Variants in NRG1 observed in about 807,000 individuals in gnomAD.
The protein encoded by NRG1 is pro-neuregulin-1, membrane-bound isoform.
Under a neutral mutation model 63.8 loss-of-function variants are expected in NRG1, and 18 were observed. The ratio of observed to expected loss-of-function variants is 0.28; its 90% confidence interval spans 0.19 to 0.42. The LOEUF is 0.42. Among genes scored for constraint, NRG1 ranks in the 10% least tolerant of loss-of-function variants. The probability of loss-of-function intolerance (pLI) is 1.00; values close to 1 mark genes in which losing one functional copy is unlikely to be tolerated. For synonymous variants in NRG1, 302 were observed against 301.3 expected (o/e 1.00, Z -0.02); for missense variants, 762 against 814.7 (o/e 0.94, Z 0.79).
intron 1 of NRG1, among the ~76,000 whole-genome samples, chr8:31,862,609 T>C (rs996934084): frequency 6.6e-6 from 1 of 152,236 alleles, no homozygotes; most frequent in Non-Finnish European, 1.5e-5. Context: ...TTCCATTTTA[T>C]TTGGTTTTGG....
chr8:32,707,753 T>G (rs1029380142), intron 5 of NRG1, among the ~76,000 whole-genome samples: 1 of 151,860 alleles, frequency 6.6e-6, no homozygotes, highest in Non-Finnish European at 1.5e-5. Context: ...GGAATGTACT[T>G]AAAAAAATTA....
chr8:31,687,542 T>C (rs1019120213), intron 1 of NRG1, among the ~76,000 whole-genome samples: 3 of 152,232 alleles, frequency 2.0e-5, no homozygotes, highest in Non-Finnish European at 4.4e-5. Context: ...TTATTTCTGA[T>C]AGGGAGAACC....
intron 1 of NRG1, among the ~76,000 whole-genome samples, chr8:32,095,072 C>A (rs902284829): frequency 1.3e-5 from 2 of 152,010 alleles, no homozygotes; most frequent in African/African-American, 4.8e-5. Context: ...CCATCATGCC[C>A]AGCTAATTTT....
At chr8:32,090,402 C>T (rs954871022) in intron 1 of NRG1, among the ~76,000 whole-genome samples, 1 of 152,140 alleles carries the variant, frequency 6.6e-6, no homozygotes, top group Non-Finnish European at 1.5e-5. Context: ...CCCCCTGCAG[C>T]CTCCGCCTCA....
intron 1 of NRG1, among the ~76,000 whole-genome samples, chr8:32,370,035 A>G (rs997282099): frequency 6.6e-6 from 1 of 152,038 alleles, no homozygotes; most frequent in Admixed American, 6.6e-5. Flanking sequence ...CAGAGAAAAG[A>G]AAAAAAAGGG....
chr8:31,788,793 G>A (rs1820418395), intron 1 of NRG1, among the ~76,000 whole-genome samples: 1 of 152,094 alleles, frequency 6.6e-6, no homozygotes, highest in Admixed American at 6.6e-5. Context: ...TCATAGATAA[G>A]AAAATGAAGT....
At chr8:32,151,700 A>G (rs1414990823) in intron 1 of NRG1, among the ~76,000 whole-genome samples, 1 of 152,130 alleles carries the variant, frequency 6.6e-6, no homozygotes, top group Non-Finnish European at 1.5e-5. Context: ...AGCAGGGGGA[A>G]CCTGGCAACA....
intron 1 of NRG1, among the ~76,000 whole-genome samples, chr8:32,464,764 A>T (rs4733121): frequency 0.58 from 87,959 of 151,650 alleles, 25,911 homozygotes; most frequent in East Asian, 0.89. Flanking sequence ...AATTCTAGAA[A>T]CTTGGGGATT....
intron 1 of NRG1, among the ~76,000 whole-genome samples, chr8:32,072,149 C>G (rs773183841): frequency 7.9e-5 from 12 of 151,810 alleles, no homozygotes; most frequent in Non-Finnish European, 1.5e-4. Context: ...AGCAAGGTAT[C>G]TTTATCCTGA....
At chr8:32,040,725 T>TATGAAATTTAGGCGA (rs1819836135) in intron 1 of NRG1, among the ~76,000 whole-genome samples, 1 of 117,784 alleles carries the variant, frequency 8.5e-6, no homozygotes, top group Admixed American at 9.0e-5. Context: ...TATATATATA[T>TATGAAATTTAGGCGA]ATATATATAT....
At chr8:31,910,219 T>G (rs1199621475) in intron 1 of NRG1, among the ~76,000 whole-genome samples, 1 of 152,158 alleles carries the variant, frequency 6.6e-6, no homozygotes, top group East Asian at 1.9e-4. Context: ...ACAGAAGCCA[T>G]GAGGCGGGAA....
chr8:31,749,755 A>C (rs974153002), intron 1 of NRG1, among the ~76,000 whole-genome samples: 6 of 142,388 alleles, frequency 4.2e-5, no homozygotes, highest in Admixed American at 1.4e-4. Flanking sequence ...ATATATATAT[A>C]TCTTCATAGA....
chr8:32,334,625 G>T (rs2129477833), intron 1 of NRG1, among the ~76,000 whole-genome samples: 1 of 152,244 alleles, frequency 6.6e-6, no homozygotes, highest in East Asian at 1.9e-4. Context: ...TTGCTCCTTA[G>T]AAACCGGTAA....
chr8:32,098,693 G>A (rs1830183225), intron 1 of NRG1: 1 of 152,156 alleles, frequency 6.6e-6, no homozygotes, highest in South Asian at 2.1e-4. Context: ...TTTCACCAGT[G>A]TAACCATCCC....
intron 1 of NRG1, among the ~76,000 whole-genome samples, chr8:32,212,778 G>GTTA (rs1160313330): frequency 1.3e-5 from 2 of 152,098 alleles, no homozygotes; most frequent in African/African-American, 2.4e-5. Flanking sequence ...ATTGGTTCTT[G>GTTA]TTATTCTTTG....
Position 32,496,001 on chromosome 8 carries a change from T to C in NRG1, c.38-99827T>C, listed in dbSNP as rs561461998. On this transcript the variant is annotated intron_variant, in intron 1 of 10. Transcript: ENST00000519301. ...ACCACTCTGTGGTGGCCTGGGTAAA[T>C]GTAATATATTTATAATAATTTGAAA... Among the ~76,000 whole-genome samples, 36 of 152,320 alleles carry C rather than the reference T, an allele frequency of 2.4e-4. 2 individuals are homozygous for C. In the South Asian group the frequency reaches 7.5e-3, roughly 32 times the overall value.
At chr8:31,858,883 C>G (rs764111412) in intron 1 of NRG1, among the ~76,000 whole-genome samples, 2 of 152,168 alleles carry the variant, frequency 1.3e-5, no homozygotes, top group African/African-American at 2.4e-5. Context: ...CACCTGATCT[C>G]TCGCGAACTG....
chr8:32,056,916 T>G (rs1299533219), intron 1 of NRG1, among the ~76,000 whole-genome samples: 5 of 152,162 alleles, frequency 3.3e-5, no homozygotes, highest in African/African-American at 1.2e-4. Flanking sequence ...AAGAGATGAT[T>G]TGGGAAATGC....
At chr8:31,983,519 A>G (rs1356715994) in intron 1 of NRG1, among the ~76,000 whole-genome samples, 1 of 152,062 alleles carries the variant, frequency 6.6e-6, no homozygotes, top group Admixed American at 6.6e-5. Flanking sequence ...AACTGAGACT[A>G]CAGGAGTATG....
Sources: allele counts gnomAD v4.1 joint callset (sites outside exome capture counted in the v4.1 genomes callset), GRCh38; gene constraint gnomAD v4.1.1; transcripts MANE v1.5; gene names NCBI Gene and HGNC (gene_info 2026-07-23, HGNC 2026-07-21).